Variants in ZBTB7A observed in about 807,000 individuals in gnomAD.
ZBTB7A encodes the protein zinc finger and BTB domain containing 7A.
In ZBTB7A, 7 loss-of-function variants were observed where a neutral mutation model predicts 26.7. The observed-to-expected ratio is 0.26, with a 90% confidence interval of 0.15 to 0.49. ZBTB7A has a LOEUF of 0.49. ZBTB7A is among the 20% of genes least tolerant of loss of function. The pLI, the probability that ZBTB7A is intolerant of heterozygous loss-of-function variation, is 0.98. For missense variants in ZBTB7A, 617 were observed against 919.5 expected (o/e 0.67, Z 4.25); for synonymous variants, 452 against 441.0 (o/e 1.02, Z -0.31).
At position 4,047,966 on chromosome 19, in the gene ZBTB7A, G is replaced by T. The variant is rs973234159; in HGVS notation, c.1541C>A (p.Ala514Asp). 6 of 1,222,492 alleles carry T rather than the reference G, an allele frequency of 4.9e-6. No individual in the cohort carries two copies. In the African/African-American group the frequency reaches 8.1e-5, roughly 16 times the overall value. The allele number at this position is 1,222,492 out of a possible 1,614,324, so 75.7% of individuals were successfully genotyped here. ...GGCGGGGGCGCCGGGGGTCGCGGTG[G>T]CCCCCGGGCTGGGGTCGGGCGCCCC... is the stretch of plus-strand genomic sequence containing the variant. ...RGGAPDPSPGATATPGAPAQP... is the reference protein window; with the variant it reads ...RGGAPDPSPGDTATPGAPAQP... Residue 514 changes from alanine to aspartate, a missense_variant, in exon 3 of 3, where the codon GCC (alanine) becomes GAC (aspartate). This residue lies in a region of ZBTB7A where 136 missense variants were observed against 126.6 expected (regional missense o/e 1.07). Transcript: ENST00000322357.
chr19:4,057,026 G>GAA (rs773127216), intron 1 of ZBTB7A, among the ~76,000 whole-genome samples: 4 of 78,732 alleles, frequency 5.1e-5, no homozygotes, highest in Non-Finnish European at 7.5e-5. Context: ...GACTCGGTCT[G>GAA]AAAAAAAAAA....
At position 4,052,477 on chromosome 19, in the gene ZBTB7A, C is replaced by T. The variant is rs1053024675; in HGVS notation, c.1262+1494G>A. Among the ~76,000 whole-genome samples the T allele has an allele frequency of 6.6e-6, 1 of 151,952 alleles. No homozygotes were observed. Among genetic ancestry groups the T allele is most frequent in the African/African-American group, 2.4e-5 (1 of 41,380 alleles). Reference sequence around the variant, plus strand: ...GGCGCCGGAGTCCAGGCCGCACCTTCCTCTCCTGGCCTGCTGGGGAGGGGG... The same window carrying T: ...GGCGCCGGAGTCCAGGCCGCACCTTTCTCTCCTGGCCTGCTGGGGAGGGGG... On this transcript the variant is annotated intron_variant, in intron 2 of 2. Transcript: ENST00000322357. This position sits in a 1 kb window ranked among gnomAD's most constrained non-coding sequence, Gnocchi z 4.9.
At chr19:4,057,558 G>A (rs1385817055) in intron 1 of ZBTB7A, among the ~76,000 whole-genome samples, 1 of 152,176 alleles carries the variant, frequency 6.6e-6, no homozygotes, top group Non-Finnish European at 1.5e-5. Flanking sequence ...GAGAGGCCAA[G>A]GTGGGTGGAT....
chr19:4,060,081 C>T lies in ZBTB7A; in HGVS notation c.-15-4834G>A, dbSNP rs188588969. Among the ~76,000 whole-genome samples the T allele has an allele frequency of 1.1e-4, 17 of 152,260 alleles. No homozygotes were observed. The East Asian group carries it at 3.1e-3, about 28-fold the overall frequency. On this transcript the variant is annotated intron_variant, in intron 1 of 2. Transcript: ENST00000322357. ...CCATCTTTCATCACAGCTCCTCCCC[C>T]GCGCTGGCCTCCGTGGGATTTCCGG...
rs2040528147 is a variant in ZBTB7A at position 4,053,520 on chromosome 19, CGT to C, written c.1262+449_1262+450del. Reference sequence around the variant, plus strand: ...GTGCCTGGGTGTGCGTGTGTGCGTGCGTGCGTGCGTGCATGTGTATGTGATGT... The same window carrying C: ...GTGCCTGGGTGTGCGTGTGTGCGTGCGCGTGCGTGCATGTGTATGTGATGT... On this transcript the variant is annotated intron_variant, in intron 2 of 2. Transcript: ENST00000322357. Among the ~76,000 whole-genome samples the C allele has an allele frequency of 2.7e-4, 39 of 143,012 alleles. No individual in the cohort carries two copies. The East Asian group carries it at 7.6e-3, about 28-fold the overall frequency. The allele number at this position is 143,012 out of a possible 152,430, so 93.8% of individuals were successfully genotyped here. A position where few individuals can be genotyped will look rare whatever the true frequency, so the allele number is the denominator to read the frequency against.
intron 1 of ZBTB7A, among the ~76,000 whole-genome samples, chr19:4,060,129 G>A (rs938857353): frequency 1.3e-5 from 2 of 150,234 alleles, no homozygotes; most frequent in Non-Finnish European, 2.9e-5. Context: ...CTGACTCGGC[G>A]GCCGAGGGGC....
At chr19:4,063,267 G>A (rs915744030) in intron 1 of ZBTB7A, among the ~76,000 whole-genome samples, 15 of 152,202 alleles carry the variant, frequency 9.9e-5, no homozygotes, top group Non-Finnish European at 1.8e-4. Flanking sequence ...CGCCCCGGCT[G>A]CAGGGGTCAC....
In ZBTB7A at chr19:4,047,660, CTTTTT is replaced by C. The variant is rs1344290504; in HGVS notation, c.*87_*91del. On this transcript the variant is annotated 3_prime_UTR_variant, in exon 3 of 3. Transcript: ENST00000322357. ...AGATATCTGTATATAGATAGATTTT[CTTTTT>C]TTGTGTTTTTGGGGGGGTGGTGGGT... 7.1e-7 allele frequency: 1 copy of C among 1,403,446 alleles called. No individual in the cohort carries two copies. Among genetic ancestry groups the C allele is most frequent in the Non-Finnish European group, 9.5e-7 (1 of 1,047,788 alleles). The allele number at this position is 1,403,446 out of a possible 1,614,324, so 86.9% of individuals were successfully genotyped here. A position where few individuals can be genotyped will look rare whatever the true frequency, so the allele number is the denominator to read the frequency against.
Position 4,052,544 on chromosome 19 carries a change from C to G in ZBTB7A, c.1262+1427G>C, listed in dbSNP as rs571180068. On this transcript the variant is annotated intron_variant, in intron 2 of 2. Coordinates refer to ENST00000322357, the MANE Select transcript of ZBTB7A (RefSeq NM_015898.4). This position sits in a 1 kb window ranked among gnomAD's most constrained non-coding sequence, Gnocchi z 4.9. ...GGGTCAGTCCCAGTTCCTGTCCCCACGGGGTGGGGTTGGGAAGCTGGGACA... is the reference window on the plus strand; with the variant it reads ...GGGTCAGTCCCAGTTCCTGTCCCCAGGGGGTGGGGTTGGGAAGCTGGGACA... Among the ~76,000 whole-genome samples, 1 of 150,396 alleles carries G rather than the reference C, an allele frequency of 6.6e-6. No homozygotes were observed. The highest frequency in any genetic ancestry group is 2.0e-4 in the East Asian group (1 of 4,978).
intron 1 of ZBTB7A, among the ~76,000 whole-genome samples, chr19:4,062,472 C>T (rs2040649271): frequency 6.6e-6 from 1 of 152,192 alleles, no homozygotes; most frequent in Non-Finnish European, 1.5e-5. Flanking sequence ...TGTCTGTGCC[C>T]CATTTTGCAA....
Position 4,048,120 on chromosome 19 carries a change from G to A in ZBTB7A, c.1387C>T (p.Leu463=), listed in dbSNP as rs1334567122. 6.2e-7 allele frequency: 1 copy of A among 1,611,360 alleles called. No homozygotes were observed. The highest frequency in any genetic ancestry group is 1.3e-5 in the African/African-American group (1 of 74,864). The change falls in exon 3 of 3, where the codon CTG becomes TTG. Residue 463 remains leucine (L), a synonymous_variant. Transcript: ENST00000322357. This position sits in a 1 kb window ranked among gnomAD's most constrained non-coding sequence, Gnocchi z 6.7. ...CAGCTGTCGCACTGGTAGGGGCGCAGGCCCGTGTGCACGCGCATGTGGTTC... is the reference window on the plus strand; with the variant it reads ...CAGCTGTCGCACTGGTAGGGGCGCAAGCCCGTGTGCACGCGCATGTGGTTC... ...LKNHMRVHTG[L]RPYQCDSCCK...
At chr19:4,065,211 CGGACGGCGG>C (rs2040680907) in intron 1 of ZBTB7A, among the ~76,000 whole-genome samples, 1 of 151,486 alleles carries the variant, frequency 6.6e-6, no homozygotes, top group African/African-American at 2.4e-5. Context: ...TTTGGGGGCG[CGGACGGCGG>C]GGACTGGGGT....
chr19:4,055,627 C>T (rs916386834), intron 1 of ZBTB7A: 29 of 242,398 alleles, frequency 1.2e-4, no homozygotes, highest in Non-Finnish European at 1.7e-4. Context: ...TGGAGACCAT[C>T]CTGGCTAACA....
chr19:4,055,679 C>T (rs1037000736), intron 1 of ZBTB7A, among the ~76,000 whole-genome samples: 11 of 152,088 alleles, frequency 7.2e-5, no homozygotes, highest in South Asian at 2.1e-4. Context: ...AAAAATTAGC[C>T]GGGCGTGTTG....
At chr19:4,065,041 C>CG (rs898027839) in intron 1 of ZBTB7A, among the ~76,000 whole-genome samples, 16 of 151,414 alleles carry the variant, frequency 1.1e-4, no homozygotes, top group Admixed American at 3.3e-4. Flanking sequence ...GCTCCCAGGC[C>CG]GGGGGGGCTG....
chr19:4,060,397 A>C (rs2145004262), intron 1 of ZBTB7A, among the ~76,000 whole-genome samples: 1 of 152,288 alleles, frequency 6.6e-6, no homozygotes, highest in East Asian at 1.9e-4. Context: ...GTCGAGAGCC[A>C]CGGCACCCGG....
At chr19:4,064,339 C>A (rs549127571) in intron 1 of ZBTB7A, among the ~76,000 whole-genome samples, 1 of 152,268 alleles carries the variant, frequency 6.6e-6, no homozygotes, top group Non-Finnish European at 1.5e-5. Context: ...CCCCTTCTCC[C>A]CCAAGCTCTG....
chr19:4,057,531 G>C (rs761409994), intron 1 of ZBTB7A, among the ~76,000 whole-genome samples: 2 of 151,662 alleles, frequency 1.3e-5, no homozygotes, highest in African/African-American at 4.8e-5. Context: ...GGCTCACGCC[G>C]GTAATCCCAG....
intron 1 of ZBTB7A, among the ~76,000 whole-genome samples, chr19:4,057,280 G>A (rs1009857409): frequency 1.3e-5 from 2 of 151,686 alleles, no homozygotes; most frequent in African/African-American, 4.8e-5. Flanking sequence ...CCCGGGAGGC[G>A]GGGGTTGCGG....
Sources: gnomAD v4.1 joint callset for allele counts (sites outside exome capture counted in the v4.1 genomes callset) on GRCh38, gnomAD v4.1.1 for gene constraint, gnomAD v4.1.1 regional missense constraint, Gnocchi (gnomAD v3.1) non-coding constraint, MANE v1.5 for transcripts, NCBI Gene and HGNC (gene_info 2026-07-23, HGNC 2026-07-21) for gene names.